Variants in FANCC observed in about 807,000 individuals in gnomAD.
The protein encoded by FANCC is Fanconi anemia group C protein.
In FANCC, 55 loss-of-function variants were observed where a neutral mutation model predicts 71.3. The observed-to-expected ratio is 0.77, with a 90% CI of 0.62 to 0.97. The LOEUF (loss-of-function observed/expected upper bound fraction) is 0.97, where lower values mean the gene tolerates loss of function less well. Among genes scored for constraint, FANCC ranks in the 50% least tolerant of loss-of-function variants. FANCC has a pLI of 0.00. For missense variants in FANCC, 678 were observed against 670.9 expected (o/e 1.01, Z -0.12); for synonymous variants, 275 against 244.9 (o/e 1.12, Z -1.15).
At chr9:95,252,714 C>T (rs1211974929) in intron 1 of FANCC, among the ~76,000 whole-genome samples, 1 of 145,294 alleles carries the variant, frequency 6.9e-6, no homozygotes, top group Non-Finnish European at 1.5e-5. Context: ...CACTGCACTC[C>T]AGCCTGGGCA....
At chr9:95,170,679 T>TGTGTGTGTGTGTGTGTGTGTG (rs1554842441) in intron 6 of FANCC, among the ~76,000 whole-genome samples, 42 of 144,624 alleles carry the variant, frequency 2.9e-4, no homozygotes, top group South Asian at 6.7e-4. Flanking sequence ...TGTGTGTGTG[T>TGTGTGTGTGTGTGTGTGTGTG]TGGGAGCAGA....
intron 4 of FANCC, among the ~76,000 whole-genome samples, chr9:95,178,526 G>A (rs375138289): frequency 2.0e-5 from 3 of 152,322 alleles, no homozygotes; most frequent in Admixed American, 6.5e-5. Context: ...TGAGGGGAGC[G>A]CCCTGGAATG....
chr9:95,310,834 T>C (rs1835351608), intron 1 of FANCC, among the ~76,000 whole-genome samples: 1 of 152,136 alleles, frequency 6.6e-6, no homozygotes, highest in African/African-American at 2.4e-5. Context: ...GAATATACCC[T>C]GAAGAAGTTG....
At chr9:95,180,241 A>G (rs1008557038) in intron 4 of FANCC, among the ~76,000 whole-genome samples, 1 of 152,098 alleles carries the variant, frequency 6.6e-6, no homozygotes, top group African/African-American at 2.4e-5. Context: ...GGCAATAACA[A>G]TAACATATGT....
chr9:95,230,232 C>T (rs1219866540), intron 4 of FANCC, among the ~76,000 whole-genome samples: 3 of 152,278 alleles, frequency 2.0e-5, no homozygotes, highest in Non-Finnish European at 2.9e-5. Context: ...GCCAGGGTTC[C>T]GTGCGGTGTA....
chr9:95,306,492 C>A (rs473825), intron 1 of FANCC, among the ~76,000 whole-genome samples: 100,319 of 151,906 alleles, frequency 0.66, 33,598 homozygotes, highest in East Asian at 0.82. Flanking sequence ...AGCTTCAGCC[C>A]CCCTTGGACA....
intron 10 of FANCC, 82 bp from the exon 11 acceptor site, chr9:95,117,472 G>A (rs2072516719): frequency 8.0e-6 from 9 of 1,118,374 alleles, no homozygotes; most frequent in Non-Finnish European, 1.1e-5. Flanking sequence ...TGAGTCCTCT[G>A]CCCAAAAAAG....
intron 14 of FANCC, among the ~76,000 whole-genome samples, chr9:95,105,922 CT>C (rs2071411923): frequency 6.6e-6 from 1 of 152,250 alleles, no homozygotes; most frequent in South Asian, 2.1e-4. Context: ...GAGAATAGTG[CT>C]GCCCTGAGCA....
intron 14 of FANCC, 63 bp downstream of exon 14, chr9:95,107,003 G>C (rs2071499822): frequency 1.9e-6 from 3 of 1,538,966 alleles, no homozygotes; most frequent in South Asian, 2.3e-5. Context: ...CCTCGGACAG[G>C]TAACCCACCT....
intron 3 of FANCC, among the ~76,000 whole-genome samples, chr9:95,241,463 G>C (rs1445198667): frequency 6.6e-6 from 1 of 151,834 alleles, no homozygotes; most frequent in African/African-American, 2.4e-5. Context: ...TCCTTTTGTG[G>C]TGACTGAGTC....
chr9:95,141,535 C>T (rs1828690190), intron 7 of FANCC, among the ~76,000 whole-genome samples: 1 of 152,096 alleles, frequency 6.6e-6, no homozygotes, highest in African/African-American at 2.4e-5. Flanking sequence ...AAAACATAAA[C>T]CCAACATCTT....
chr9:95,109,384 A>G (rs1377507170), intron 13 of FANCC, among the ~76,000 whole-genome samples: 2 of 152,064 alleles, frequency 1.3e-5, no homozygotes, highest in Admixed American at 6.5e-5. Context: ...ATGGATCTCT[A>G]TTCCCCAGGG....
chr9:95,247,383 T>C (rs758481026), intron 3 of FANCC, 49 bp downstream of exon 3: 13 of 1,350,948 alleles, frequency 9.6e-6, no homozygotes, highest in Non-Finnish European at 1.3e-5. Flanking sequence ...TGTGAAACAA[T>C]GCAAAGATTA....
chr9:95,315,854 A>T (rs1481899745), intron 1 of FANCC, among the ~76,000 whole-genome samples: 1 of 152,154 alleles, frequency 6.6e-6, no homozygotes, highest in African/African-American at 2.4e-5. Flanking sequence ...ATAAACACGA[A>T]ATTTGTATAA....
At chr9:95,303,892 G>A (rs541221094) in intron 1 of FANCC, among the ~76,000 whole-genome samples, 1 of 152,258 alleles carries the variant, frequency 6.6e-6, no homozygotes, top group Admixed American at 6.5e-5. Context: ...ATATGGAAGG[G>A]AAGAGATAAT....
chr9:95,111,621 A>G lies in FANCC; in HGVS notation c.1171T>C (p.Phe391Leu). Residue 391 changes from phenylalanine to leucine, a missense_variant, in exon 13 of 15, where the codon TTT (phenylalanine) becomes CTT (leucine). Physicochemically the swap from Phe to Leu is conservative, Grantham distance 22. Coordinates refer to ENST00000289081, the MANE Select transcript of FANCC (RefSeq NM_000136.3). Reference sequence around the variant, plus strand: ...TGAATGAACAGGAACCAGCTCTCAAAGGGACCTCCGCAGGACCTGGAACAG... The same window carrying G: ...TGAATGAACAGGAACCAGCTCTCAAGGGGACCTCCGCAGGACCTGGAACAG... ...DQTHGSCGGPFESWFLFIHFG... is the reference protein window; with the variant it reads ...DQTHGSCGGPLESWFLFIHFG... The G allele has an allele frequency of 1.2e-6, 2 of 1,614,174 alleles. No individual in the cohort carries two copies. The highest frequency in any genetic ancestry group is 1.7e-6 in the Non-Finnish European group (2 of 1,180,042).
intron 1 of FANCC, among the ~76,000 whole-genome samples, chr9:95,282,222 C>T (rs1425997314): frequency 6.6e-6 from 1 of 152,020 alleles, no homozygotes; most frequent in Non-Finnish European, 1.5e-5. Context: ...GAAAAAGATA[C>T]TTCACACAAA....
Position 95,170,982 on chromosome 9 carries a change from T to C in FANCC, c.521+97A>G. The C allele has an allele frequency of 6.9e-6, 6 of 872,188 alleles. No homozygotes were observed. In the South Asian group the frequency reaches 8.2e-5, roughly 12 times the overall value. 54.0% of individuals were successfully genotyped at this position (872,188 alleles called of 1,614,324 possible). A position where few individuals can be genotyped will look rare whatever the true frequency, so the allele number is the denominator to read the frequency against. On this transcript the variant is annotated intron_variant, in intron 6 of 14. Transcript: ENST00000289081. ...TTTCTATATAAAATACAACCATAAC[T>C]GAACATCCATTTCCTATGAATTGTA...
At chr9:95,161,905 GATCTCAGCTCACTGCAA>G (rs1830772711) in intron 6 of FANCC, among the ~76,000 whole-genome samples, 1 of 146,840 alleles carries the variant, frequency 6.8e-6, no homozygotes, top group African/African-American at 2.5e-5. Context: ...GCAATGGCAC[GATCTCAGCTCACTGCAA>G]CCTCCGCTTC....
Sources: allele counts gnomAD v4.1 joint callset (sites outside exome capture counted in the v4.1 genomes callset), GRCh38; gene constraint gnomAD v4.1.1; transcripts MANE v1.5; gene names NCBI Gene and HGNC (gene_info 2026-07-23, HGNC 2026-07-21).